Variants in ATOH8 observed in about 807,000 individuals in gnomAD.
The protein encoded by ATOH8 is transcription factor ATOH8.
ATOH8 carries 9 observed loss-of-function variants against 21.2 expected under a neutral mutation model. The observed-to-expected ratio is 0.42, with a 90% CI of 0.26 to 0.74. ATOH8 has a LOEUF of 0.74. ATOH8 is among the 30% of genes least tolerant of loss of function. The pLI, the probability that ATOH8 is intolerant of heterozygous loss-of-function variation, is 0.24. For synonymous variants in ATOH8, 253 were observed against 224.0 expected (o/e 1.13, Z -1.16); for missense variants, 524 against 470.9 (o/e 1.11, Z -1.04).
rs1680758199 is a variant in ATOH8, at chr2:85,791,138, CG to C, written c.*4250del. On this transcript the variant is annotated 3_prime_UTR_variant, in exon 3 of 3. Transcript: ENST00000306279. ...CCCACATGTCTCCCTTCTGGTGACC[CG>C]GACCCCAGACAAACTATGCCTGCCT... Among the ~76,000 whole-genome samples, 1 of 152,084 alleles carries C rather than the reference CG, an allele frequency of 6.6e-6. No homozygotes were observed. Among genetic ancestry groups the C allele is most frequent in the African/African-American group, 2.4e-5 (1 of 41,406 alleles).
At chr2:85,765,240 C>A (rs938778026) in intron 2 of ATOH8, among the ~76,000 whole-genome samples, 1 of 152,200 alleles carries the variant, frequency 6.6e-6, no homozygotes, top group South Asian at 2.1e-4. Context: ...CCATTCTTTC[C>A]GCTGCCTCCT....
intron 1 of ATOH8, among the ~76,000 whole-genome samples, chr2:85,763,772 T>C (rs4832196): frequency 0.75 from 113,550 of 151,756 alleles, 43,748 homozygotes; most frequent in Non-Finnish European, 0.85. Flanking sequence ...AACCTGTTTC[T>C]TCCCCTGCAA....
At chr2:85,777,130 G>A (rs2104527761) in intron 2 of ATOH8, among the ~76,000 whole-genome samples, 3 of 152,352 alleles carry the variant, frequency 2.0e-5, no homozygotes, top group Admixed American at 2.0e-4. Context: ...TACTGTTCTA[G>A]TGCTGGGGGC....
chr2:85,783,440 C>T (rs1276801038), intron 2 of ATOH8, among the ~76,000 whole-genome samples: 3 of 152,014 alleles, frequency 2.0e-5, no homozygotes, highest in African/African-American at 4.8e-5. Flanking sequence ...TGGTGGCGCA[C>T]GCCTGTAATC....
intron 2 of ATOH8, among the ~76,000 whole-genome samples, chr2:85,764,861 C>T (rs561320089): frequency 2.7e-4 from 41 of 152,116 alleles, no homozygotes; most frequent in Non-Finnish European, 5.3e-4. Flanking sequence ...TCCCTGCCCA[C>T]GGGAGTTTGA....
chr2:85,765,075 A>G (rs1418979959), intron 2 of ATOH8, among the ~76,000 whole-genome samples: 1 of 152,188 alleles, frequency 6.6e-6, no homozygotes, highest in Admixed American at 6.5e-5. Flanking sequence ...ATTCCCAGTC[A>G]GGGGTCAGTG....
intron 1 of ATOH8, among the ~76,000 whole-genome samples, chr2:85,758,206 T>C (rs1278730462): frequency 6.6e-6 from 1 of 152,228 alleles, no homozygotes; most frequent in Non-Finnish European, 1.5e-5. Context: ...TTAGCATTCA[T>C]CACATGCTTA....
chr2:85,757,197 G>C (rs924268938), intron 1 of ATOH8, among the ~76,000 whole-genome samples: 12 of 152,216 alleles, frequency 7.9e-5, no homozygotes, highest in Non-Finnish European at 1.6e-4. Flanking sequence ...GCACCTGCCT[G>C]TTAGCTGGGA....
chr2:85,781,134 C>T, intron 2 of ATOH8: 1 of 960,730 alleles, frequency 1.0e-6, no homozygotes, highest in Non-Finnish European at 1.2e-6. Flanking sequence ...GCAGCTTGTA[C>T]AGCGTAATTC....
At position 85,754,293 on chromosome 2, in the gene ATOH8, G is replaced by A. The variant is rs1320158456; in HGVS notation, c.104G>A (p.Arg35Gln). The A allele has an allele frequency of 1.2e-6, 2 of 1,610,078 alleles. No homozygotes were observed. Among genetic ancestry groups the A allele is most frequent in the Non-Finnish European group, 1.7e-6 (2 of 1,178,882 alleles). ...AAGCGGAAAGGCAAGGAGCCGGCGC[G>A]GCGCGCGAACGGCTATAAAACTTTC... ...KLKRKGKEPA[R>Q]RANGYKTFRL... Residue 35 changes from arginine to glutamine, a missense_variant, in exon 1 of 3, where the codon CGG (arginine) becomes CAG (glutamine). Arg to Gln is a conservative substitution (Grantham distance 43, BLOSUM62 1). Transcript: ENST00000306279.
chr2:85,772,400 G>A (rs1004433123), intron 2 of ATOH8, among the ~76,000 whole-genome samples: 1 of 152,216 alleles, frequency 6.6e-6, no homozygotes, highest in Non-Finnish European at 1.5e-5. Flanking sequence ...TCCCCCGCCC[G>A]GCCGCCGCGG....
rs1470073444 is a variant in ATOH8, at chr2:85,754,382, C to T, written c.193C>T (p.His65Tyr). 6.3e-7 allele frequency: 1 copy of T among 1,588,960 alleles called. No homozygotes were observed. The highest frequency in any genetic ancestry group is 1.7e-5 in the Admixed American group (1 of 57,454). Residue 65 changes from histidine (H) to tyrosine (Y), a missense_variant, in exon 1 of 3, where the codon CAT becomes TAT. Physicochemically the swap from His to Tyr is moderately conservative, Grantham distance 83 (BLOSUM62 2). Transcript: ENST00000306279. ...VATNGLRDRT[H>Y]RLQPVPVPVP... The stretch of plus-strand genomic sequence containing the variant: ...CACCAACGGGCTGCGGGACAGGACC[C>T]ATCGGCTGCAGCCGGTCCCGGTACC...
intron 2 of ATOH8, among the ~76,000 whole-genome samples, chr2:85,768,257 C>T (rs190799270): frequency 3.5e-4 from 54 of 152,302 alleles, no homozygotes; most frequent in Non-Finnish European, 5.9e-4. Context: ...CCACGCTTGC[C>T]GCTCCATGTG....
chr2:85,763,180 C>G (rs1310358772), intron 1 of ATOH8, among the ~76,000 whole-genome samples: 1 of 152,156 alleles, frequency 6.6e-6, no homozygotes, highest in African/African-American at 2.4e-5. Flanking sequence ...CAAGACAGAA[C>G]TCTGTTCAAG....
At chr2:85,778,005 T>A (rs2104528924) in intron 2 of ATOH8, among the ~76,000 whole-genome samples, 1 of 152,318 alleles carries the variant, frequency 6.6e-6, no homozygotes, top group South Asian at 2.1e-4. Context: ...TGGGGACCCT[T>A]CCTACCCCAC....
intron 2 of ATOH8, among the ~76,000 whole-genome samples, chr2:85,765,752 C>T (rs1243417574): frequency 5.3e-5 from 8 of 152,158 alleles, no homozygotes; most frequent in Admixed American, 2.6e-4. Context: ...GTGGAGGTCC[C>T]GCCTTCCCGG....
At chr2:85,776,902 G>A (rs756518620) in intron 2 of ATOH8, among the ~76,000 whole-genome samples, 149 of 152,122 alleles carry the variant, frequency 9.8e-4, no homozygotes, top group Non-Finnish European at 7.8e-4. Context: ...TGTGCCTCCC[G>A]CCTCGCTTTC....
intron 2 of ATOH8, chr2:85,772,568 C>T: frequency 2.6e-6 from 1 of 385,622 alleles, no homozygotes; most frequent in South Asian, 1.9e-5. Context: ...CCTCTGCTGG[C>T]ACATTCCCCA....
Position 85,754,948 on chromosome 2 carries a change from C to G in ATOH8, c.759C>G (p.Leu253=). ...VHTISAAFEA[L]RKQVPCYSYG... ...CCATCAGCGCAGCCTTCGAGGCGCTCAGGAAGCAGGTACCCGCTCGCCGCC... is the reference window on the plus strand; with the variant it reads ...CCATCAGCGCAGCCTTCGAGGCGCTGAGGAAGCAGGTACCCGCTCGCCGCC... The change falls in exon 1 of 3, where the codon CTC becomes CTG. Residue 253 remains leucine, a synonymous_variant. Transcript: ENST00000306279. The G allele has an allele frequency of 6.3e-7, 1 of 1,592,668 alleles. No homozygotes were observed.
Sources: gnomAD v4.1 joint callset for allele counts (sites outside exome capture counted in the v4.1 genomes callset) on GRCh38, gnomAD v4.1.1 for gene constraint, MANE v1.5 for transcripts, NCBI Gene and HGNC (gene_info 2026-07-23, HGNC 2026-07-21) for gene names.